The following SFMBT1 variants were observed in gnomAD, a reference collection of about 807,000 sequenced individuals.
SFMBT1 encodes Scm like with four mbt domains 1.
A neutral mutation model predicts 108.7 loss-of-function variants in SFMBT1; 32 were observed. That is an observed-to-expected ratio of 0.29 (90% CI 0.22 to 0.40). The LOEUF is 0.40. Ranked by LOEUF, SFMBT1 falls within the 10% of genes least tolerant of loss-of-function variation. The pLI, the probability that SFMBT1 is intolerant of heterozygous loss-of-function variation, is 1.00. For missense variants in SFMBT1, 816 were observed against 1,059.6 expected, an observed-to-expected ratio of 0.77 and a Z score of 3.19; for synonymous variants, 348 against 369.5, an observed-to-expected ratio of 0.94 and a Z score of 0.67.
intron 12 of SFMBT1, 148 bp from the exon 13 acceptor site, chr3:52,918,674 C>T (rs904307416): frequency 7.3e-5 from 24 of 328,396 alleles, no homozygotes; most frequent in Non-Finnish European, 8.5e-5. Flanking sequence ...TATATATATA[C>T]ACATATATAT....
intron 1 of SFMBT1, among the ~76,000 whole-genome samples, chr3:52,972,103 T>A (rs2106864033): frequency 6.6e-6 from 1 of 152,238 alleles, no homozygotes; most frequent in East Asian, 1.9e-4. Flanking sequence ...ACGAAGTCAG[T>A]GCTAAATAAA....
intron 1 of SFMBT1, among the ~76,000 whole-genome samples, chr3:53,036,685 C>A (rs1481561794): frequency 6.6e-6 from 1 of 152,212 alleles, no homozygotes; most frequent in Non-Finnish European, 1.5e-5. Context: ...ATGTGGACAA[C>A]TTCATTGAGA....
intron 1 of SFMBT1, among the ~76,000 whole-genome samples, chr3:53,008,632 CT>C (rs547883626): frequency 0.015 from 2,115 of 139,100 alleles, 19 homozygotes; most frequent in African/African-American, 0.028. Context: ...CCTAGGTAGA[CT>C]TTTTTTTTTT....
At chr3:53,014,477 AAAACAAAACAAAACAAAAC>A (rs1176723412) in intron 1 of SFMBT1, among the ~76,000 whole-genome samples, 5 of 260 alleles carry the variant, frequency 0.019, no homozygotes, top group Non-Finnish European at 0.038. Context: ...GTATTTAAAA[AAAACAAAACAAAACAAAAC>A]AAAACAAAAC....
intron 1 of SFMBT1, among the ~76,000 whole-genome samples, chr3:53,031,667 T>C (rs957435383): frequency 6.6e-6 from 1 of 152,038 alleles, no homozygotes; most frequent in South Asian, 2.1e-4. Context: ...TATTTATTCA[T>C]ACCTCCATTT....
At chr3:52,979,769 A>C (rs915133432) in intron 1 of SFMBT1, among the ~76,000 whole-genome samples, 11 of 152,218 alleles carry the variant, frequency 7.2e-5, no homozygotes, top group Non-Finnish European at 1.3e-4. Context: ...TCTGTCAATA[A>C]ATATTTACTG....
chr3:52,923,223 A>G (rs1702567709), intron 10 of SFMBT1, among the ~76,000 whole-genome samples: 1 of 152,158 alleles, frequency 6.6e-6, no homozygotes, highest in South Asian at 2.1e-4. Flanking sequence ...TGGGGGGTGG[A>G]TTAATTAACA....
intron 5 of SFMBT1, 27 bp downstream of exon 5, chr3:52,934,786 G>T: frequency 6.4e-7 from 1 of 1,568,640 alleles, no homozygotes; most frequent in Non-Finnish European, 8.7e-7. Flanking sequence ...GGTTTTCCAT[G>T]CTGATGTGGC....
chr3:52,991,627 A>G (rs554792618), intron 1 of SFMBT1, among the ~76,000 whole-genome samples: 2 of 152,136 alleles, frequency 1.3e-5, no homozygotes, highest in Non-Finnish European at 2.9e-5. Context: ...TACAGGCGTG[A>G]GCCACCTCGC....
At position 53,028,077 on chromosome 3, in the gene SFMBT1, C is replaced by T. The variant is rs532974983; in HGVS notation, c.-131+17739G>A. 5.3e-5 allele frequency among the ~76,000 whole-genome samples: 8 copies of T among 152,278 alleles called. No individual in the cohort carries two copies. In the South Asian group the frequency reaches 8.3e-4, roughly 16 times the overall value. The stretch of plus-strand genomic sequence containing the variant: ...AACCCTAATTGCCTGCTGACGTCTA[C>T]GGTTGTTTCTTTTTCTCAGACCACT... On this transcript the variant is annotated intron_variant, in intron 1 of 20. Coordinates refer to ENST00000394752, the MANE Select transcript of SFMBT1 (RefSeq NM_016329.4).
intron 12 of SFMBT1, among the ~76,000 whole-genome samples, chr3:52,919,899 C>G (rs1321027312): frequency 6.6e-6 from 1 of 152,226 alleles, no homozygotes; most frequent in Non-Finnish European, 1.5e-5. Context: ...CACATTGAAA[C>G]TTATCCACCA....
intron 1 of SFMBT1, among the ~76,000 whole-genome samples, chr3:53,021,473 T>TA (rs1699304343): frequency 1.3e-5 from 2 of 152,332 alleles, no homozygotes; most frequent in South Asian, 4.1e-4. Context: ...GTTAAATAAA[T>TA]AAAAGTAAAT....
intron 1 of SFMBT1, among the ~76,000 whole-genome samples, chr3:52,993,626 A>C (rs970176855): frequency 1.3e-5 from 2 of 150,116 alleles, no homozygotes; most frequent in Non-Finnish European, 3.0e-5. Context: ...ACTATGTAGA[A>C]ACACTACAAA....
At chr3:52,928,157 T>C in intron 9 of SFMBT1, 34 bp downstream of exon 9, 1 of 1,594,520 alleles carries the variant, frequency 6.3e-7, no homozygotes, top group Non-Finnish European at 8.6e-7. Context: ...GGAGAAGCTC[T>C]CAAGTGACAA....
intron 1 of SFMBT1, among the ~76,000 whole-genome samples, chr3:52,982,062 T>A (rs1704730192): frequency 2.0e-5 from 3 of 152,142 alleles, no homozygotes; most frequent in South Asian, 2.1e-4. Context: ...ACTCACCCCA[T>A]GAGTTCAACA....
At chr3:52,947,131 T>C (rs1703397427) in intron 3 of SFMBT1, among the ~76,000 whole-genome samples, 1 of 151,456 alleles carries the variant, frequency 6.6e-6, no homozygotes, top group African/African-American at 2.4e-5. Context: ...TTTTTTTTTT[T>C]TTTTGAGACA....
chr3:52,905,262 C>T lies in SFMBT1; in HGVS notation c.2475G>A (p.Gln825=), dbSNP rs1186477662. The change falls in exon 21 of 21, where the codon CAG becomes CAA. Residue 825 remains glutamine (Q), a synonymous_variant. Transcript: ENST00000394752. ...RIFLDQEIDG[Q]ALLLLTLPTV... ...TGGGAAGGGTAAGGAGCAACAGGGC[C>T]TGCCCATCAATTTCCTGTTAAAGCA... is the stretch of plus-strand genomic sequence containing the variant. The T allele has an allele frequency of 6.2e-7, 1 of 1,611,632 alleles. No homozygotes were observed.
Position 52,996,357 on chromosome 3 carries a change from C to T in SFMBT1, c.-130-27099G>A, listed in dbSNP as rs554070143. Among the ~76,000 whole-genome samples the T allele has an allele frequency of 1.3e-4, 20 of 148,456 alleles. No individual in the cohort carries two copies. The East Asian group carries it at 2.4e-3, about 18-fold the overall frequency. Reference sequence around the variant, plus strand: ...CCTGCCAAGTAGCTGGGACTACAGGCGCACGCCACCACACCCAGCTAATTT... The same window carrying T: ...CCTGCCAAGTAGCTGGGACTACAGGTGCACGCCACCACACCCAGCTAATTT... On this transcript the variant is annotated intron_variant, in intron 1 of 20. Transcript: ENST00000394752.
intron 9 of SFMBT1, among the ~76,000 whole-genome samples, chr3:52,926,819 G>C (rs1702672539): frequency 6.6e-6 from 1 of 152,034 alleles, no homozygotes; most frequent in Non-Finnish European, 1.5e-5. Context: ...GTTGCTCTCA[G>C]CCTCCAGAGA....
Sources: allele counts gnomAD v4.1 joint callset (sites outside exome capture counted in the v4.1 genomes callset), GRCh38; gene constraint gnomAD v4.1.1; transcripts MANE v1.5; gene names NCBI Gene and HGNC (gene_info 2026-07-23, HGNC 2026-07-21).